STAG2: variants seen among roughly 807,000 people sequenced by gnomAD.
STAG2 encodes the protein STAG2 cohesin complex component.
Under a neutral mutation model 108.1 loss-of-function variants are expected in STAG2, and 14 were observed. That is an observed-to-expected ratio of 0.13 (90% CI 0.09 to 0.20). The LOEUF (loss-of-function observed/expected upper bound fraction) is 0.20, where lower values mean the gene tolerates loss of function less well. Ranked by LOEUF, STAG2 falls within the 10% of genes least tolerant of loss-of-function variation. STAG2 has a pLI of 1.00. For synonymous variants in STAG2, 307 were observed against 302.7 expected (o/e 1.01, Z -0.15); for missense variants, 440 against 940.9 (o/e 0.47, Z 6.96).
intron 1 of STAG2, among the ~76,000 whole-genome samples, chrX:123,979,231 C>T (rs1486268429): frequency 1.1e-4 from 12 of 111,337 alleles, no homozygotes; most frequent in African/African-American, 3.3e-4. Flanking sequence ...TTGGCCATCT[C>T]ATTAAAATAA....
chrX:124,086,932 A>T (rs2059122135), intron 30 of STAG2, among the ~76,000 whole-genome samples, 162 bp downstream of exon 30: 1 of 112,652 alleles, frequency 8.9e-6, no homozygotes, highest in African/African-American at 3.2e-5. Context: ...AGATACATAA[A>T]CTCAGTTCTC....
chrX:123,995,010 C>CA (rs1329579390), intron 1 of STAG2, among the ~76,000 whole-genome samples: 2 of 111,416 alleles, frequency 1.8e-5, no homozygotes, highest in South Asian at 7.4e-4. Context: ...ACAACGTAAA[C>CA]AAAAAACCTC....
intron 1 of STAG2, among the ~76,000 whole-genome samples, chrX:123,987,795 A>G (rs552178494): frequency 8.9e-6 from 1 of 112,002 alleles, no homozygotes; most frequent in South Asian, 3.7e-4. Flanking sequence ...AGTTATTACA[A>G]TGAAGTGTTG....
At chrX:124,075,368 G>A (rs12846316) in intron 25 of STAG2, among the ~76,000 whole-genome samples, 3,772 of 111,411 alleles carry the variant, frequency 0.034, 60 homozygotes, top group Non-Finnish European at 0.048. Context: ...CCACCTCCCG[G>A]GTTCAAGCAA....
intron 13 of STAG2, among the ~76,000 whole-genome samples, chrX:124,053,980 T>C (rs1336032479): frequency 1.8e-5 from 2 of 112,493 alleles, no homozygotes; most frequent in African/African-American, 3.2e-5. Flanking sequence ...TACAAACATA[T>C]ATATTAAAGT....
At position 124,031,368 on chromosome X, in the gene STAG2, A is replaced by AT. The variant is rs112975179; in HGVS notation, c.288+252dup. ...TTTCTTATTTATTTTATTTTATTTT[A>AT]TTTTTTTTTGAGACAGAGTCTCGCT... is the stretch of plus-strand genomic sequence containing the variant. On this transcript the variant is annotated intron_variant, in intron 5 of 34. Coordinates refer to ENST00000371145, the MANE Select transcript of STAG2 (RefSeq NM_001042750.2). Among the ~76,000 whole-genome samples, 540 of 103,404 alleles carry AT rather than the reference A, an allele frequency of 5.2e-3. 3 individuals carry two copies. The highest frequency in any genetic ancestry group is 0.017 in the African/African-American group (491 of 28,419). The allele number at this position is 103,404 out of a possible 115,157, so 89.8% of individuals were successfully genotyped here.
chrX:123,996,908 A>G (rs2055760382), intron 1 of STAG2, among the ~76,000 whole-genome samples: 2 of 112,344 alleles, frequency 1.8e-5, no homozygotes, highest in African/African-American at 6.5e-5. Context: ...ATTTTGAGTT[A>G]AATTTTTGCA....
intron 4 of STAG2, among the ~76,000 whole-genome samples, chrX:124,028,822 A>ATATATAT (rs1296806013): frequency 1.0e-3 from 39 of 38,970 alleles, no homozygotes; most frequent in African/African-American, 4.1e-3. Flanking sequence ...ATATATATAT[A>ATATATAT]TTTTTTTTTT....
intron 33 of STAG2, among the ~76,000 whole-genome samples, chrX:124,095,101 G>A (rs1477713303): frequency 2.7e-5 from 3 of 111,350 alleles, no homozygotes; most frequent in Non-Finnish European, 5.7e-5. Flanking sequence ...ATAATTTTTT[G>A]TATTTTTAGT....
intron 1 of STAG2, among the ~76,000 whole-genome samples, chrX:124,018,640 A>G (rs1157758013): frequency 9.0e-6 from 1 of 110,658 alleles, no homozygotes; most frequent in Non-Finnish European, 1.9e-5. Context: ...AGCTAGGTCT[A>G]TAGGTGTGTG....
At chrX:124,049,961 G>A (rs759138742) in intron 10 of STAG2, among the ~76,000 whole-genome samples, 1 of 111,955 alleles carries the variant, frequency 8.9e-6, no homozygotes, top group African/African-American at 3.2e-5. Context: ...ATGGGATTTT[G>A]TTTGTAGTTT....
chrX:123,968,085 G>A (rs1483456427), intron 1 of STAG2, among the ~76,000 whole-genome samples: 1 of 110,543 alleles, frequency 9.0e-6, no homozygotes, highest in African/African-American at 3.3e-5. Flanking sequence ...ATTTTTGGTA[G>A]AGACGGGCTT....
intron 4 of STAG2, among the ~76,000 whole-genome samples, chrX:124,028,823 T>TA (rs1491294090): frequency 0.015 from 754 of 50,386 alleles, 4 homozygotes; most frequent in East Asian, 0.053. Context: ...TATATATATA[T>TA]TTTTTTTTTT....
intron 13 of STAG2, among the ~76,000 whole-genome samples, chrX:124,054,588 A>G (rs965930390): frequency 8.9e-6 from 1 of 112,076 alleles, no homozygotes; most frequent in Non-Finnish European, 1.9e-5. Flanking sequence ...TCCACAGTAC[A>G]CTAGAAACAT....
chrX:123,983,764 C>T (rs887120254), intron 1 of STAG2, among the ~76,000 whole-genome samples: 1 of 109,640 alleles, frequency 9.1e-6, no homozygotes, highest in Non-Finnish European at 1.9e-5. Context: ...CAAGGCATTG[C>T]AGAACCTATG....
intron 30 of STAG2, among the ~76,000 whole-genome samples, chrX:124,088,300 A>G (rs1192777870): frequency 9.0e-6 from 1 of 110,889 alleles, no homozygotes; most frequent in Non-Finnish European, 1.9e-5. Flanking sequence ...CATTTTACAA[A>G]TAGATTATTA....
At chrX:124,070,484 C>T (rs1306771162) in intron 24 of STAG2, among the ~76,000 whole-genome samples, 3 of 111,801 alleles carry the variant, frequency 2.7e-5, no homozygotes, top group Non-Finnish European at 5.7e-5. Flanking sequence ...ATTAATTAGT[C>T]TGTGACTCCA....
intron 1 of STAG2, among the ~76,000 whole-genome samples, chrX:123,993,810 A>G (rs199425): frequency 0.057 from 6,317 of 111,542 alleles, 460 homozygotes; most frequent in African/African-American, 0.2. Flanking sequence ...ACCTGTGACC[A>G]TGCATTTAAA....
At chrX:124,061,746 T>TTC (rs1258318775) in intron 16 of STAG2, 25 bp from the exon 17 acceptor site, 1 of 372,442 alleles carries the variant, frequency 2.7e-6, no homozygotes, top group African/African-American at 3.3e-5. Context: ...TTTCTGACTT[T>TTC]TTTTTTTTTT....
Sources: allele counts gnomAD v4.1 joint callset (sites outside exome capture counted in the v4.1 genomes callset), GRCh38; gene constraint gnomAD v4.1.1; transcripts MANE v1.5; gene names NCBI Gene and HGNC (gene_info 2026-07-23, HGNC 2026-07-21).